TGFBR2: variants seen among roughly 807,000 people sequenced by gnomAD.
TGFBR2 encodes transforming growth factor beta receptor 2.
A neutral mutation model predicts 49.0 loss-of-function variants in TGFBR2; 18 were observed. That is an observed-to-expected ratio of 0.37 (90% CI 0.25 to 0.54). The LOEUF (loss-of-function observed/expected upper bound fraction) is 0.54. Ranked by LOEUF, TGFBR2 falls within the 20% of genes least tolerant of loss-of-function variation. The pLI is 0.85. For missense variants in TGFBR2, 525 were observed against 722.6 expected (o/e 0.73, Z 3.13); for synonymous variants, 282 against 275.9 (o/e 1.02, Z -0.22).
At chr3:30,607,261 C>T (rs964052304) in intron 1 of TGFBR2, among the ~76,000 whole-genome samples, 19 of 152,352 alleles carry the variant, frequency 1.2e-4, no homozygotes, top group African/African-American at 3.6e-4. Context: ...GGCGAGCCCC[C>T]ACCCCCGGAA....
chr3:30,650,218 C>T (rs767388644), intron 2 of TGFBR2, 52 bp from the exon 3 acceptor site: 10 of 1,566,804 alleles, frequency 6.4e-6, no homozygotes, highest in Admixed American at 1.7e-5. Context: ...TTCATTTATT[C>T]TCTTTCTCTC....
chr3:30,633,487 T>C (rs1698473817), intron 1 of TGFBR2, among the ~76,000 whole-genome samples: 1 of 152,228 alleles, frequency 6.6e-6, no homozygotes, highest in Non-Finnish European at 1.5e-5. Context: ...TGCATTCTAG[T>C]TAAACCCTAA....
rs1174519731 is a variant in TGFBR2 at position 30,691,853 on chromosome 3, A to G, written c.*254A>G. ...AGGAAATGAGATTGATTTTTACAAT[A>G]GCCAATAACATTTGCACTTTATTAA... On this transcript the variant is annotated 3_prime_UTR_variant, in exon 7 of 7. Transcript: ENST00000295754. 6 of 495,460 alleles carry G rather than the reference A, an allele frequency of 1.2e-5. No individual in the cohort carries two copies. Among genetic ancestry groups the G allele is most frequent in the South Asian group, 4.4e-5 (2 of 45,324 alleles). 30.7% of individuals were successfully genotyped at this position (495,460 alleles called of 1,614,324 possible).
chr3:30,623,208 T>C (rs1451110889), intron 1 of TGFBR2: 1 of 1,545,192 alleles, frequency 6.5e-7, no homozygotes, highest in East Asian at 2.2e-5. Flanking sequence ...GATGTGGAAA[T>C]GGAGGCCCAG....
intron 1 of TGFBR2, among the ~76,000 whole-genome samples, chr3:30,637,416 C>A (rs566631409): frequency 1.3e-5 from 2 of 152,198 alleles, no homozygotes; most frequent in African/African-American, 4.8e-5. Context: ...AGCCAGAACA[C>A]AGATACCTTA....
chr3:30,645,155 T>C lies in TGFBR2; in HGVS notation c.263+240T>C, dbSNP rs1155707. Reference sequence around the variant, plus strand: ...ATGATTATAAAATGATCATGATAAATGTAAAGATCATAAAATGATCTTTAA... The same window carrying C: ...ATGATTATAAAATGATCATGATAAACGTAAAGATCATAAAATGATCTTTAA... On this transcript the variant is annotated intron_variant, in intron 2 of 6. Transcript: ENST00000295754. Among the ~76,000 whole-genome samples, 52,585 of 151,616 alleles carry C rather than the reference T, an allele frequency of 0.35. 9,438 individuals are homozygous for C. Among genetic ancestry groups the C allele is most frequent in the East Asian group, 0.68 (3,494 of 5,112 alleles).
intron 6 of TGFBR2, 91 bp from the exon 7 acceptor site, chr3:30,691,329 C>T (rs2276767): frequency 1.4e-6 from 2 of 1,429,212 alleles, no homozygotes; most frequent in African/African-American, 2.8e-5. Flanking sequence ...ACCCTGCTTG[C>T]ACTCACTATA....
intron 3 of TGFBR2, among the ~76,000 whole-genome samples, chr3:30,652,470 G>C (rs956113566): frequency 2.0e-5 from 3 of 152,032 alleles, no homozygotes; most frequent in African/African-American, 7.2e-5. Flanking sequence ...CTGACCTCAG[G>C]TGAATAACCT....
At chr3:30,642,779 C>A (rs961293107) in intron 1 of TGFBR2, among the ~76,000 whole-genome samples, 2 of 151,978 alleles carry the variant, frequency 1.3e-5, no homozygotes, top group Non-Finnish European at 2.9e-5. Context: ...AAAAATTGAT[C>A]CAAGTATAAC....
At chr3:30,669,831 AAG>A (rs1395924260) in intron 3 of TGFBR2, among the ~76,000 whole-genome samples, 9 of 152,234 alleles carry the variant, frequency 5.9e-5, no homozygotes, top group Admixed American at 5.9e-4. Flanking sequence ...TTTCATTAAA[AAG>A]AAACACCTTA....
At chr3:30,683,280 G>C (rs1375334643) in intron 5 of TGFBR2, among the ~76,000 whole-genome samples, 1 of 152,202 alleles carries the variant, frequency 6.6e-6, no homozygotes, top group Non-Finnish European at 1.5e-5. Flanking sequence ...GTCTTTGGCA[G>C]GTGCTGGTCC....
chr3:30,635,054 T>G (rs1698504545), intron 1 of TGFBR2, among the ~76,000 whole-genome samples: 1 of 152,216 alleles, frequency 6.6e-6, no homozygotes, highest in Non-Finnish European at 1.5e-5. Context: ...AATGAAAAAC[T>G]TAAGAATTTC....
At chr3:30,671,498 G>T in intron 3 of TGFBR2, 140 bp from the exon 4 acceptor site, 1 of 864,216 alleles carries the variant, frequency 1.2e-6, no homozygotes, top group Admixed American at 2.3e-5. Flanking sequence ...TTGCATCCCT[G>T]AAATAAAAAT....
At chr3:30,674,343 T>A in intron 5 of TGFBR2, 97 bp downstream of exon 5, 2 of 1,484,746 alleles carry the variant, frequency 1.3e-6, no homozygotes, top group Non-Finnish European at 1.9e-6. Context: ...ACAAAGCAGT[T>A]ATTAGAGCTA....
chr3:30,624,576 A>C (rs1398833892), intron 1 of TGFBR2, among the ~76,000 whole-genome samples: 1 of 152,038 alleles, frequency 6.6e-6, no homozygotes, highest in Non-Finnish European at 1.5e-5. Flanking sequence ...AGATCGTGCC[A>C]CTGCACTCCA....
At chr3:30,678,556 A>AT in intron 5 of TGFBR2, among the ~76,000 whole-genome samples, 1 of 151,446 alleles carries the variant, frequency 6.6e-6, no homozygotes, top group Non-Finnish European at 1.5e-5. Context: ...TAAAAAAAAA[A>AT]AAAAAAAAAA....
chr3:30,670,814 G>T (rs549316508), intron 3 of TGFBR2, among the ~76,000 whole-genome samples: 1 of 152,170 alleles, frequency 6.6e-6, no homozygotes, highest in Non-Finnish European at 1.5e-5. Context: ...TGTTTCCATT[G>T]TTGCTATTAA....
At chr3:30,607,842 TATATATAA>T (rs1229062730) in intron 1 of TGFBR2, among the ~76,000 whole-genome samples, 1 of 121,950 alleles carries the variant, frequency 8.2e-6, no homozygotes, top group African/African-American at 4.9e-5. Context: ...TATATAATTA[TATATATAA>T]ATATATATAA....
chr3:30,636,840 A>C (rs559548032), intron 1 of TGFBR2, among the ~76,000 whole-genome samples: 5 of 151,968 alleles, frequency 3.3e-5, no homozygotes, highest in African/African-American at 1.2e-4. Flanking sequence ...CAAGGTGGGC[A>C]GATCACGAGG....
Sources: gnomAD v4.1 joint callset for allele counts (sites outside exome capture counted in the v4.1 genomes callset) on GRCh38, gnomAD v4.1.1 for gene constraint, MANE v1.5 for transcripts, NCBI Gene and HGNC (gene_info 2026-07-23, HGNC 2026-07-21) for gene names.